The following CCSER1 variants were observed in gnomAD, a reference collection of about 807,000 sequenced individuals.
CCSER1 encodes coiled-coil serine rich protein 1, also known as serine-rich coiled-coil domain-containing protein 1.
Under a neutral mutation model 82.0 loss-of-function variants are expected in CCSER1, and 41 were observed. That is an observed-to-expected ratio of 0.50 (90% confidence interval 0.39 to 0.65). The LOEUF (loss-of-function observed/expected upper bound fraction) is 0.65. CCSER1 is among the 30% of genes least tolerant of loss of function. The pLI is 0.00. For missense variants in CCSER1, 1,119 were observed against 1,064.2 expected (o/e 1.05, Z -0.72); for synonymous variants, 414 against 383.9 (o/e 1.08, Z -0.92).
chr4:91,296,495 A>C (rs1266234674), intron 10 of CCSER1, among the ~76,000 whole-genome samples: 1 of 138,990 alleles, frequency 7.2e-6, no homozygotes, highest in Non-Finnish European at 1.5e-5. Context: ...ATTTTAATTA[A>C]ATATACAGTT....
intron 9 of CCSER1, among the ~76,000 whole-genome samples, chr4:91,061,449 G>T (rs1307828777): frequency 6.6e-6 from 1 of 151,970 alleles, no homozygotes; most frequent in East Asian, 1.9e-4. Flanking sequence ...TAGTCATTAG[G>T]CTGGGAAGGA....
At chr4:91,060,443 A>G (rs535155556) in intron 9 of CCSER1, among the ~76,000 whole-genome samples, 45 of 152,054 alleles carry the variant, frequency 3.0e-4, no homozygotes, top group Non-Finnish European at 5.9e-4. Context: ...ATGCCCCTTA[A>G]AAGTAGAAGA....
chr4:90,457,349 TCTC>T (rs910317772), intron 4 of CCSER1, among the ~76,000 whole-genome samples: 7 of 152,156 alleles, frequency 4.6e-5, no homozygotes, highest in African/African-American at 1.7e-4. Flanking sequence ...CTTCTCCTCT[TCTC>T]GTGCTCACAA....
At chr4:90,797,080 G>T (rs1756139957) in intron 7 of CCSER1, among the ~76,000 whole-genome samples, 1 of 152,100 alleles carries the variant, frequency 6.6e-6, no homozygotes, top group Non-Finnish European at 1.5e-5. Flanking sequence ...TTGTCAGTGG[G>T]ATGTTAAAGT....
intron 9 of CCSER1, among the ~76,000 whole-genome samples, chr4:90,973,352 A>G (rs1303970551): frequency 6.6e-6 from 1 of 151,752 alleles, no homozygotes; most frequent in African/African-American, 2.4e-5. Flanking sequence ...AAAATTGGGC[A>G]AAAGGCTCAG....
Position 90,284,557 on chromosome 4 carries a change from A to C in CCSER1, c.-41-23687A>C, listed in dbSNP as rs1457131007. On this transcript the variant is annotated intron_variant, in intron 1 of 10. Coordinates refer to ENST00000509176, the MANE Select transcript of CCSER1 (RefSeq NM_001145065.2). Reference sequence around the variant, plus strand: ...CACTTAGGCTGGAGTACAGTGGTGCAATCATGGCTCACTGCAACCTCAGCC... The same window carrying C: ...CACTTAGGCTGGAGTACAGTGGTGCCATCATGGCTCACTGCAACCTCAGCC... Among the ~76,000 whole-genome samples, 5 of 151,018 alleles carry C rather than the reference A, an allele frequency of 3.3e-5. No individual in the cohort carries two copies. In the East Asian group the frequency reaches 9.7e-4, roughly 29 times the overall value.
At chr4:91,090,111 G>A (rs1450920806) in intron 10 of CCSER1, among the ~76,000 whole-genome samples, 2 of 152,176 alleles carry the variant, frequency 1.3e-5, no homozygotes, top group Admixed American at 6.5e-5. Context: ...CAAGTGGTGG[G>A]TCCACAGTAT....
At chr4:91,091,951 C>G (rs2148827767) in intron 10 of CCSER1, among the ~76,000 whole-genome samples, 2 of 152,278 alleles carry the variant, frequency 1.3e-5, no homozygotes, top group South Asian at 4.1e-4. Flanking sequence ...CTCTGCAATT[C>G]AATTTCATCC....
intron 10 of CCSER1, among the ~76,000 whole-genome samples, chr4:91,507,960 T>C (rs2110108151): frequency 6.7e-6 from 1 of 149,732 alleles, no homozygotes; most frequent in East Asian, 2.0e-4. Context: ...TTATTAGTTC[T>C]AATAAGCTCT....
At chr4:90,520,945 TTTAAATTTTTATAATA>T (rs1435812017) in intron 5 of CCSER1, among the ~76,000 whole-genome samples, 1 of 152,182 alleles carries the variant, frequency 6.6e-6, no homozygotes, top group Non-Finnish European at 1.5e-5. Flanking sequence ...AAAATGTGTG[TTTAAATTTTTATAATA>T]CCTTGCAGTG....
intron 8 of CCSER1, among the ~76,000 whole-genome samples, chr4:90,851,374 A>G (rs1441596877): frequency 8.4e-5 from 12 of 142,518 alleles, no homozygotes; most frequent in African/African-American, 2.6e-4. Context: ...TCAAAATTCA[A>G]GGTTCTTACT....
At chr4:91,228,925 T>C (rs188358931) in intron 10 of CCSER1, among the ~76,000 whole-genome samples, 6 of 152,260 alleles carry the variant, frequency 3.9e-5, no homozygotes, top group African/African-American at 1.4e-4. Flanking sequence ...TTATATAATA[T>C]ATGTTACATA....
At chr4:90,136,996 G>T (rs1361475357) in intron 1 of CCSER1, among the ~76,000 whole-genome samples, 1 of 152,120 alleles carries the variant, frequency 6.6e-6, no homozygotes, top group Non-Finnish European at 1.5e-5. Context: ...CACTGAGTTT[G>T]TACAATAAGA....
At chr4:90,596,714 T>C (rs896555155) in intron 5 of CCSER1, among the ~76,000 whole-genome samples, 2 of 148,642 alleles carry the variant, frequency 1.3e-5, no homozygotes, top group Non-Finnish European at 3.0e-5. Flanking sequence ...CAGATATTTT[T>C]TTACCAAAAA....
intron 10 of CCSER1, among the ~76,000 whole-genome samples, chr4:91,590,812 A>G (rs555222244): frequency 1.3e-5 from 2 of 152,182 alleles, no homozygotes; most frequent in Non-Finnish European, 2.9e-5. Context: ...CCTGGTATAT[A>G]ATAAGGATTA....
chr4:91,187,869 T>A (rs1386213954), intron 10 of CCSER1, among the ~76,000 whole-genome samples: 1 of 152,196 alleles, frequency 6.6e-6, no homozygotes, highest in East Asian at 1.9e-4. Context: ...TGGTTATTTT[T>A]ATAAAATTAA....
intron 8 of CCSER1, among the ~76,000 whole-genome samples, chr4:90,826,645 G>A (rs780126088): frequency 1.4e-4 from 21 of 152,100 alleles, no homozygotes; most frequent in African/African-American, 2.7e-4. Flanking sequence ...TATGTGATTC[G>A]TTTAATTCTG....
At chr4:91,168,878 T>A (rs1439071272) in intron 10 of CCSER1, among the ~76,000 whole-genome samples, 1 of 152,170 alleles carries the variant, frequency 6.6e-6, no homozygotes, top group Non-Finnish European at 1.5e-5. Context: ...TGCCTTGGGA[T>A]GCTGTTAATC....
chr4:90,283,062 A>G (rs1427021428), intron 1 of CCSER1, among the ~76,000 whole-genome samples: 1 of 152,014 alleles, frequency 6.6e-6, no homozygotes, highest in Non-Finnish European at 1.5e-5. Context: ...ATTTATTTCC[A>G]GTATATTTCT....
Sources: gnomAD v4.1 joint callset for allele counts (sites outside exome capture counted in the v4.1 genomes callset) on GRCh38, gnomAD v4.1.1 for gene constraint, MANE v1.5 for transcripts, NCBI Gene and HGNC (gene_info 2026-07-23, HGNC 2026-07-21) for gene names.